STYXL1: variants seen among roughly 807,000 people sequenced by gnomAD.
The protein encoded by STYXL1 is serine/threonine/tyrosine-interacting-like protein 1.
In STYXL1, 32 loss-of-function variants were observed where a neutral mutation model predicts 36.4. The observed-to-expected ratio is 0.88, with a 90% CI of 0.66 to 1.18. STYXL1 has a LOEUF of 1.18. STYXL1 is among the 50% of genes most tolerant of loss of function. The pLI is 0.00. For missense variants in STYXL1, 354 were observed against 394.1 expected (o/e 0.90, Z 0.86); for synonymous variants, 133 against 144.1 (o/e 0.92, Z 0.55).
rs1554578441 is a variant in STYXL1, at chr7:76,028,719, A to ATTTAAGAACT, written c.104-26_104-17dup. The ATTTAAGAACT allele has an allele frequency of 2.5e-6, 4 of 1,613,434 alleles. No homozygotes were observed. Among genetic ancestry groups the ATTTAAGAACT allele is most frequent in the Non-Finnish European group, 3.4e-6 (4 of 1,179,362 alleles). On this transcript the variant is annotated splice_polypyrimidine_tract_variant and intron_variant, in intron 2 of 8. Transcript: ENST00000359697. ...GAACGGACATCTGGAAAGGAAACGT[A>ATTTAAGAACT]TTTAAGAACTGAATTTGCAAAGGAA...
At chr7:76,011,669 T>C (rs1792565253) in intron 5 of STYXL1, among the ~76,000 whole-genome samples, 1 of 152,234 alleles carries the variant, frequency 6.6e-6, no homozygotes, top group Admixed American at 6.5e-5. Context: ...GCCAGACATC[T>C]GTACACGGCA....
rs1468554801 is a variant in STYXL1 at position 76,021,979 on chromosome 7, T to G, written c.179A>C (p.Tyr60Ser). 1.2e-6 allele frequency: 2 copies of G among 1,602,372 alleles called. No homozygotes were observed. Among genetic ancestry groups the G allele is most frequent in the Non-Finnish European group, 1.7e-6 (2 of 1,177,776 alleles). Reference sequence around the variant, plus strand: ...CAGGTCCACAGACTCCGGGAGAAGATATTCATTATTTTTCTTAAAAAAAAA... The same window carrying G: ...CAGGTCCACAGACTCCGGGAGAAGAGATTCATTATTTTTCTTAAAAAAAAA... ...ALRVKKKNNEYLLPESVDLEC... is the reference protein window; with the variant it reads ...ALRVKKKNNESLLPESVDLEC... Residue 60 changes from tyrosine (Y) to serine (S), a missense_variant, in exon 4 of 9, where the codon TAT (tyrosine) becomes TCT (serine). Tyr to Ser is a moderately radical substitution (Grantham distance 144, BLOSUM62 -2). Transcript: ENST00000359697.
In STYXL1 at chr7:75,996,368, C is replaced by T. The variant is rs1447129094; in HGVS notation, c.*100G>A. The stretch of plus-strand genomic sequence containing the variant: ...GAGACTTTCAGGCAGCAAAGGCCTT[C>T]TCCTTCCAGACAAGCCTGGGTATAC... On this transcript the variant is annotated 3_prime_UTR_variant, in exon 9 of 9. Coordinates refer to ENST00000359697, the MANE Select transcript of STYXL1 (RefSeq NM_001317785.2). The T allele has an allele frequency of 6.2e-7, 1 of 1,607,346 alleles. No individual in the cohort carries two copies. Among genetic ancestry groups the T allele is most frequent in the East Asian group, 2.2e-5 (1 of 44,564 alleles).
At chr7:76,007,911 A>T (rs1792007690) in intron 5 of STYXL1, among the ~76,000 whole-genome samples, 1 of 151,442 alleles carries the variant, frequency 6.6e-6, no homozygotes, top group Non-Finnish European at 1.5e-5. Context: ...AAAAAAAAAA[A>T]AAAATAGCCG....
chr7:76,036,462 C>T lies in STYXL1; in HGVS notation c.-4-5935G>A, dbSNP rs182383471. 9.9e-4 allele frequency among the ~76,000 whole-genome samples: 149 copies of T among 150,098 alleles called. 12 individuals carry two copies. The highest frequency in any genetic ancestry group is 1.8e-3 in the Non-Finnish European group (118 of 67,090). ...AGCCCTCAAGGATATTCTGATGTAT[C>T]GTGCATTTACATAAAAATATTAAAG... On this transcript the variant is annotated intron_variant, in intron 1 of 8. Transcript: ENST00000359697.
At chr7:75,999,517 G>A (rs6979689) in intron 8 of STYXL1, among the ~76,000 whole-genome samples, 7,797 of 38,000 alleles carry the variant, frequency 0.21, 290 homozygotes, top group Non-Finnish European at 0.28. Context: ...GTGTATGTGT[G>A]TGTGTGTGTG....
intron 8 of STYXL1, 86 bp from the exon 9 acceptor site, chr7:75,996,685 G>A: frequency 7.3e-7 from 1 of 1,377,264 alleles, no homozygotes; most frequent in South Asian, 1.2e-5. Context: ...AGAGACAGGA[G>A]GCACTTGCAC....
chr7:76,003,628 C>T, intron 7 of STYXL1, 130 bp downstream of exon 7: 1 of 790,170 alleles, frequency 1.3e-6, no homozygotes, highest in Non-Finnish European at 2.0e-6. Context: ...GGAGCATATG[C>T]CGAGCTGGGC....
At chr7:75,998,299 C>G (rs1790385775) in intron 8 of STYXL1, among the ~76,000 whole-genome samples, 1 of 50,202 alleles carries the variant, frequency 2.0e-5, no homozygotes, top group South Asian at 1.2e-3. Flanking sequence ...TATGGTCAAG[C>G]AATTTTTTTT....
chr7:76,029,935 G>T (rs1795139346), intron 2 of STYXL1, among the ~76,000 whole-genome samples: 1 of 152,166 alleles, frequency 6.6e-6, no homozygotes, highest in African/African-American at 2.4e-5. Flanking sequence ...CTCCTGCTGT[G>T]CTGCCTGGTT....
At chr7:76,019,389 T>C (rs1361149228) in intron 4 of STYXL1, among the ~76,000 whole-genome samples, 1 of 151,762 alleles carries the variant, frequency 6.6e-6, no homozygotes, top group Non-Finnish European at 1.5e-5. Context: ...CTTGACCACC[T>C]GGGCTCAAGT....
intron 1 of STYXL1, among the ~76,000 whole-genome samples, chr7:76,041,725 AG>A (rs1409658582): frequency 6.6e-6 from 1 of 152,236 alleles, no homozygotes; most frequent in Non-Finnish European, 1.5e-5. Context: ...CCCAATCTCA[AG>A]CATTCTGTGA....
chr7:76,000,001 G>A (rs1347902675), intron 8 of STYXL1, among the ~76,000 whole-genome samples: 1 of 151,686 alleles, frequency 6.6e-6, no homozygotes, highest in African/African-American at 2.4e-5. Flanking sequence ...ACATCGCCTG[G>A]CCAAGATGGT....
chr7:76,014,921 T>C (rs373491755), intron 4 of STYXL1, among the ~76,000 whole-genome samples: 71 of 152,160 alleles, frequency 4.7e-4, no homozygotes, highest in African/African-American at 1.6e-3. Flanking sequence ...CACACACCTA[T>C]AACCATCTGA....
intron 3 of STYXL1, among the ~76,000 whole-genome samples, chr7:76,024,000 G>C (rs1554576985): frequency 6.6e-6 from 1 of 152,056 alleles, no homozygotes; most frequent in East Asian, 1.9e-4. Context: ...GCAACAGAGT[G>C]AAACTGTCTC....
intron 1 of STYXL1, among the ~76,000 whole-genome samples, chr7:76,040,347 G>A (rs1277859767): frequency 6.6e-6 from 1 of 152,088 alleles, no homozygotes; most frequent in Non-Finnish European, 1.5e-5. Context: ...CCCTTCTCAG[G>A]CCTCAGGCTG....
intron 1 of STYXL1, among the ~76,000 whole-genome samples, chr7:76,046,123 T>C (rs1383515486): frequency 6.6e-6 from 1 of 152,182 alleles, no homozygotes; most frequent in Non-Finnish European, 1.5e-5. Flanking sequence ...TCTCCTCCTT[T>C]CCTGTCTAAA....
intron 1 of STYXL1, among the ~76,000 whole-genome samples, chr7:76,046,150 A>G (rs1252519026): frequency 1.3e-5 from 2 of 152,106 alleles, no homozygotes; most frequent in Non-Finnish European, 2.9e-5. Flanking sequence ...CCATTGTTAA[A>G]TGCTCAGGCC....
chr7:75,997,643 T>C (rs1302933479), intron 8 of STYXL1, among the ~76,000 whole-genome samples: 8 of 152,150 alleles, frequency 5.3e-5, no homozygotes, highest in African/African-American at 1.9e-4. Context: ...AAAAGGCATC[T>C]ACAATGGATA....
Sources: gnomAD v4.1 joint callset for allele counts (sites outside exome capture counted in the v4.1 genomes callset) on GRCh38, gnomAD v4.1.1 for gene constraint, MANE v1.5 for transcripts, NCBI Gene and HGNC (gene_info 2026-07-23, HGNC 2026-07-21) for gene names.